The following CDKAL1 variants were observed in gnomAD, a reference collection of about 807,000 sequenced individuals.
The protein encoded by CDKAL1 is threonylcarbamoyladenosine tRNA methylthiotransferase.
CDKAL1 carries 32 observed loss-of-function variants against 68.2 expected under a neutral mutation model. The observed-to-expected ratio is 0.47, with a 90% CI of 0.35 to 0.63. CDKAL1 has a LOEUF of 0.63. CDKAL1 is among the 30% of genes least tolerant of loss of function. CDKAL1 has a pLI of 0.00. For synonymous variants in CDKAL1, 234 were observed against 244.3 expected, an observed-to-expected ratio of 0.96 and a Z score of 0.39; for missense variants, 606 against 696.7, an observed-to-expected ratio of 0.87 and a Z score of 1.47.
intron 15 of CDKAL1, among the ~76,000 whole-genome samples, chr6:21,224,480 C>T (rs146142389): frequency 8.5e-5 from 13 of 152,246 alleles, no homozygotes; most frequent in African/African-American, 2.9e-4. Flanking sequence ...CGCCACTGTA[C>T]TCCAGCCTGG....
intron 8 of CDKAL1, among the ~76,000 whole-genome samples, chr6:20,802,635 G>T (rs921234262): frequency 6.6e-6 from 1 of 152,022 alleles, no homozygotes; most frequent in Non-Finnish European, 1.5e-5. Context: ...CCAGTTGGAT[G>T]ATTGCAAAGG....
chr6:20,919,407 G>A (rs1762851746), intron 9 of CDKAL1, among the ~76,000 whole-genome samples: 1 of 152,136 alleles, frequency 6.6e-6, no homozygotes, highest in African/African-American at 2.4e-5. Context: ...TAATACTTAA[G>A]TTCTGGGGTA....
intron 13 of CDKAL1, among the ~76,000 whole-genome samples, chr6:21,171,070 G>A (rs2151075019): frequency 6.6e-6 from 1 of 152,220 alleles, no homozygotes; most frequent in East Asian, 1.9e-4. Context: ...AATCTGAAAA[G>A]TAAAGAGAAG....
intron 4 of CDKAL1, among the ~76,000 whole-genome samples, chr6:20,612,718 T>G (rs564771449): frequency 3.9e-4 from 59 of 152,318 alleles, no homozygotes; most frequent in South Asian, 2.7e-3. Flanking sequence ...CCTGGTTTTC[T>G]TGCTGTGCAG....
chr6:20,632,745 A>G (rs976114006), intron 4 of CDKAL1, among the ~76,000 whole-genome samples: 3 of 152,168 alleles, frequency 2.0e-5, no homozygotes, highest in South Asian at 2.1e-4. Context: ...AGTCTCTTCT[A>G]TCTCCTGAGT....
chr6:20,618,427 A>G (rs1034420247), intron 4 of CDKAL1, among the ~76,000 whole-genome samples: 10 of 151,956 alleles, frequency 6.6e-5, no homozygotes, highest in African/African-American at 2.2e-4. Context: ...ATTAGATCCC[A>G]TTTGTCAATT....
chr6:20,962,767 A>G (rs1049460811), intron 10 of CDKAL1, among the ~76,000 whole-genome samples: 3 of 152,198 alleles, frequency 2.0e-5, no homozygotes, highest in African/African-American at 7.2e-5. Flanking sequence ...TGATGAATAA[A>G]AAGACATGCT....
chr6:21,215,413 G>A (rs113481133), intron 15 of CDKAL1, among the ~76,000 whole-genome samples: 91 of 152,292 alleles, frequency 6.0e-4, no homozygotes, highest in Non-Finnish European at 1.2e-3. Flanking sequence ...ATACAAGGAG[G>A]TATAAGGAAT....
At chr6:20,582,726 A>G (rs900874152) in intron 4 of CDKAL1, among the ~76,000 whole-genome samples, 2 of 152,200 alleles carry the variant, frequency 1.3e-5, no homozygotes, top group Non-Finnish European at 1.5e-5. Flanking sequence ...TCTGTAGTGT[A>G]GGCACTTATT....
Position 20,772,286 on chromosome 6 carries a change from GTC to G in CDKAL1, c.518-8857_518-8856del, listed in dbSNP as rs541662189. On this transcript the variant is annotated intron_variant, in intron 7 of 15. Transcript: ENST00000274695. ...TTTGATAAATTTAGAATTCAGGAGA[GTC>G]TGTTGTAGCAAGACAGCTAATGACC... 2.6e-3 allele frequency among the ~76,000 whole-genome samples: 398 copies of G among 152,294 alleles called. 5 individuals carry two copies. The highest frequency in any genetic ancestry group is 8.2e-3 in the African/African-American group (341 of 41,560).
chr6:20,737,052 A>T (rs539281838), intron 5 of CDKAL1, among the ~76,000 whole-genome samples: 41 of 152,102 alleles, frequency 2.7e-4, no homozygotes, highest in Non-Finnish European at 5.0e-4. Context: ...AAGCCCTCTC[A>T]TTCTCCCAAT....
intron 13 of CDKAL1, among the ~76,000 whole-genome samples, chr6:21,141,262 C>T (rs1775894494): frequency 6.6e-6 from 1 of 152,176 alleles, no homozygotes; most frequent in South Asian, 2.1e-4. Context: ...GGCTCCTGAC[C>T]TACTTTCTCT....
chr6:21,192,550 G>T (rs564560422), intron 13 of CDKAL1, among the ~76,000 whole-genome samples: 1 of 152,286 alleles, frequency 6.6e-6, no homozygotes, highest in East Asian at 1.9e-4. Context: ...TTACTTCAGA[G>T]AGCTACAATC....
chr6:20,939,727 G>T (rs1343278987), intron 9 of CDKAL1, among the ~76,000 whole-genome samples: 9 of 152,166 alleles, frequency 5.9e-5, no homozygotes, highest in Non-Finnish European at 1.2e-4. Flanking sequence ...ATGGAGGGGG[G>T]ATTGAGAGAT....
chr6:21,055,816 G>C (rs1490709930), intron 11 of CDKAL1, among the ~76,000 whole-genome samples: 1 of 152,126 alleles, frequency 6.6e-6, no homozygotes, highest in Non-Finnish European at 1.5e-5. Flanking sequence ...ATGGTGAATA[G>C]TGCTGCAATG....
intron 13 of CDKAL1, among the ~76,000 whole-genome samples, chr6:21,143,172 T>G (rs1393051941): frequency 6.6e-6 from 1 of 152,210 alleles, no homozygotes; most frequent in Non-Finnish European, 1.5e-5. Context: ...ATATTTCACC[T>G]CTTAGAAGCT....
chr6:20,672,258 C>CTTTCTT (rs1554172778), intron 5 of CDKAL1, among the ~76,000 whole-genome samples: 3 of 91,278 alleles, frequency 3.3e-5, no homozygotes, highest in East Asian at 7.6e-4. Flanking sequence ...TTCTTTCTTT[C>CTTTCTT]TTTCTTTTTC....
chr6:21,003,580 A>G (rs745864717), intron 11 of CDKAL1, among the ~76,000 whole-genome samples: 9 of 151,606 alleles, frequency 5.9e-5, no homozygotes, highest in African/African-American at 7.3e-5. Context: ...ATAAAAAAAG[A>G]AAGAAAAAAG....
At chr6:21,180,599 A>G (rs1448436713) in intron 13 of CDKAL1, among the ~76,000 whole-genome samples, 1 of 152,208 alleles carries the variant, frequency 6.6e-6, no homozygotes, top group South Asian at 2.1e-4. Flanking sequence ...AATTGAATTA[A>G]CATTTTGAAT....
Sources: gnomAD v4.1 joint callset for allele counts (sites outside exome capture counted in the v4.1 genomes callset) on GRCh38, gnomAD v4.1.1 for gene constraint, MANE v1.5 for transcripts, NCBI Gene and HGNC (gene_info 2026-07-23, HGNC 2026-07-21) for gene names.